FOXP1: variants seen among roughly 807,000 people sequenced by gnomAD.
FOXP1 encodes the protein forkhead box protein P1.
In FOXP1, 15 loss-of-function variants were observed where a neutral mutation model predicts 98.2. The observed-to-expected ratio is 0.15, with a 90% CI of 0.10 to 0.24. The LOEUF (loss-of-function observed/expected upper bound fraction) is 0.24. FOXP1 is among the 10% of genes least tolerant of loss of function. The pLI is 1.00. For synonymous variants in FOXP1, 371 were observed against 314.5 expected (o/e 1.18, Z -1.90); for missense variants, 633 against 848.5 (o/e 0.75, Z 3.15).
intron 14 of FOXP1, among the ~76,000 whole-genome samples, chr3:70,986,447 C>T (rs895619120): frequency 3.3e-5 from 5 of 152,220 alleles, no homozygotes; most frequent in African/African-American, 1.2e-4. Context: ...CTCATTCTCT[C>T]GCTTGCTGCT....
At chr3:71,285,457 G>A (rs1352324934) in intron 5 of FOXP1, among the ~76,000 whole-genome samples, 1 of 152,042 alleles carries the variant, frequency 6.6e-6, no homozygotes, top group Non-Finnish European at 1.5e-5. Flanking sequence ...AGACACAGAG[G>A]GAGAGGGAAC....
intron 3 of FOXP1, among the ~76,000 whole-genome samples, chr3:71,363,393 C>T (rs1162542041): frequency 6.6e-6 from 1 of 152,158 alleles, no homozygotes; most frequent in Non-Finnish European, 1.5e-5. Flanking sequence ...TCACTGCATG[C>T]AACATTTCTT....
intron 5 of FOXP1, among the ~76,000 whole-genome samples, chr3:71,199,945 G>A (rs1328983735): frequency 6.6e-6 from 1 of 151,364 alleles, no homozygotes; most frequent in African/African-American, 2.4e-5. Context: ...ACATGGTGGT[G>A]TGTACCTGTA....
intron 2 of FOXP1, among the ~76,000 whole-genome samples, chr3:71,551,767 A>G (rs2045797747): frequency 6.6e-6 from 1 of 152,212 alleles, no homozygotes; most frequent in Admixed American, 6.5e-5. Context: ...CTCAGATATA[A>G]AACATTTGAA....
chr3:70,992,594 G>C (rs898212385), intron 13 of FOXP1, among the ~76,000 whole-genome samples: 1 of 152,068 alleles, frequency 6.6e-6, no homozygotes, highest in African/African-American at 2.4e-5. Flanking sequence ...CCGCATTCAG[G>C]TGGTGGGCAA....
intron 5 of FOXP1, among the ~76,000 whole-genome samples, chr3:71,253,562 A>G (rs1486070963): frequency 6.6e-6 from 1 of 152,206 alleles, no homozygotes; most frequent in Non-Finnish European, 1.5e-5. Flanking sequence ...TATGTAACCC[A>G]GTACTCAGCA....
At chr3:71,478,452 A>T (rs139621889) in intron 3 of FOXP1, among the ~76,000 whole-genome samples, 16 of 152,324 alleles carry the variant, frequency 1.1e-4, no homozygotes, top group African/African-American at 3.8e-4. Context: ...CTATGAGTAA[A>T]AATAAAAATC....
chr3:71,007,304 G>T (rs984320579), intron 12 of FOXP1, among the ~76,000 whole-genome samples: 1 of 152,070 alleles, frequency 6.6e-6, no homozygotes, highest in Non-Finnish European at 1.5e-5. Flanking sequence ...GCTGGAATTT[G>T]ATTTGCATAC....
chr3:71,505,887 C>T (rs970015990), intron 2 of FOXP1, among the ~76,000 whole-genome samples: 11 of 152,184 alleles, frequency 7.2e-5, no homozygotes, highest in African/African-American at 2.4e-4. Flanking sequence ...CACTTCCGCC[C>T]GGAAGCCTCT....
chr3:70,972,004 C>A, intron 18 of FOXP1: 1 of 1,415,298 alleles, frequency 7.1e-7, no homozygotes, highest in South Asian at 1.7e-5. Flanking sequence ...CAAGTAAAGG[C>A]TCTTACTGTG....
At chr3:71,277,996 A>G (rs1378068447) in intron 5 of FOXP1, among the ~76,000 whole-genome samples, 1 of 152,078 alleles carries the variant, frequency 6.6e-6, no homozygotes, top group Non-Finnish European at 1.5e-5. Context: ...TCAAAGCATG[A>G]GAAAATGAAG....
chr3:71,161,550 G>A (rs73838200), intron 6 of FOXP1, among the ~76,000 whole-genome samples: 3,733 of 152,316 alleles, frequency 0.025, 160 homozygotes, highest in African/African-American at 0.084. Context: ...AGTGAAAAGC[G>A]CAGCTGCCCA....
Position 70,960,619 on chromosome 3 carries a change from C to T in FOXP1, c.1890-1228G>A, listed in dbSNP as rs1026122983. On this transcript the variant is annotated intron_variant, in intron 20 of 20. Transcript: ENST00000649528. ...GCAGAAGGGAAGATTTTTAAATTGA[C>T]GTTATCAAGTATTAGTAATAAGAGG... Among the ~76,000 whole-genome samples the T allele has an allele frequency of 3.3e-5, 5 of 152,174 alleles. No individual in the cohort carries two copies. The East Asian group carries it at 5.8e-4, about 18-fold the overall frequency.
At chr3:71,257,080 C>A (rs1185890065) in intron 5 of FOXP1, among the ~76,000 whole-genome samples, 3 of 152,202 alleles carry the variant, frequency 2.0e-5, no homozygotes, top group Admixed American at 6.5e-5. Context: ...ATGCTTGATG[C>A]TGATTCACGG....
chr3:71,001,105 A>G, intron 12 of FOXP1, 46 bp from the exon 13 acceptor site: 1 of 1,446,828 alleles, frequency 6.9e-7, no homozygotes, highest in Non-Finnish European at 9.7e-7. Context: ...GAGAAACAAA[A>G]AGGAAAATAT....
chr3:71,144,047 A>G (rs1358368582), intron 6 of FOXP1, among the ~76,000 whole-genome samples: 10 of 151,762 alleles, frequency 6.6e-5, no homozygotes, highest in South Asian at 4.2e-4. Flanking sequence ...ATGAATAGGA[A>G]AAAAAAAAGT....
chr3:71,470,764 G>C (rs1577690651), intron 3 of FOXP1, among the ~76,000 whole-genome samples: 2 of 152,236 alleles, frequency 1.3e-5, no homozygotes, highest in South Asian at 2.1e-4. Context: ...GAAAAGAAAA[G>C]AAAACACTGA....
intron 5 of FOXP1, chr3:71,296,225 G>C (rs1335911656): frequency 6.6e-6 from 1 of 152,110 alleles, no homozygotes; most frequent in Non-Finnish European, 1.5e-5. Flanking sequence ...ATAATTCCCA[G>C]GTTTCAAATT....
At chr3:71,235,376 CTT>C (rs1169135731) in intron 5 of FOXP1, among the ~76,000 whole-genome samples, 1 of 152,158 alleles carries the variant, frequency 6.6e-6, no homozygotes, top group Non-Finnish European at 1.5e-5. Flanking sequence ...ATTAAAGACT[CTT>C]TTTATAAGCC....
Sources: allele counts gnomAD v4.1 joint callset (sites outside exome capture counted in the v4.1 genomes callset), GRCh38; gene constraint gnomAD v4.1.1; transcripts MANE v1.5; gene names NCBI Gene and HGNC (gene_info 2026-07-23, HGNC 2026-07-21).